The following CADPS variants were observed in gnomAD, a reference collection of about 807,000 sequenced individuals.
The protein encoded by CADPS is calcium dependent secretion activator.
In CADPS, 57 loss-of-function variants were observed where a neutral mutation model predicts 167.3. The observed-to-expected ratio is 0.34, with a 90% CI of 0.28 to 0.42. CADPS has a LOEUF of 0.42. CADPS is among the 20% of genes least tolerant of loss of function. The pLI is 1.00. For synonymous variants in CADPS, 676 were observed against 635.3 expected, an observed-to-expected ratio of 1.06 and a Z score of -0.96; for missense variants, 1,414 against 1,738.1, an observed-to-expected ratio of 0.81 and a Z score of 3.32.
At chr3:62,403,348 A>T in intron 28 of CADPS, 163 bp from the exon 29 acceptor site, 4 of 564,786 alleles carry the variant, frequency 7.1e-6, no homozygotes, top group Non-Finnish European at 1.3e-5. Flanking sequence ...GTTAGTTTAT[A>T]CAAAATTGCA....
chr3:62,523,799 T>G (rs2071345424), intron 13 of CADPS, among the ~76,000 whole-genome samples: 1 of 152,228 alleles, frequency 6.6e-6, no homozygotes, highest in South Asian at 2.1e-4. Context: ...GGAATATACT[T>G]TCATCTCCAA....
intron 17 of CADPS, among the ~76,000 whole-genome samples, chr3:62,509,298 AAAAAAAAAAGAAAG>A (rs1252495068): frequency 9.1e-6 from 1 of 109,672 alleles, no homozygotes; most frequent in African/African-American, 3.2e-5. Flanking sequence ...TCTCAAAAAA[AAAAAAAAAAGAAAG>A]AAAGAAAGAA....
At chr3:62,758,507 C>T (rs2084567348) in intron 2 of CADPS, among the ~76,000 whole-genome samples, 1 of 152,180 alleles carries the variant, frequency 6.6e-6, no homozygotes, top group African/African-American at 2.4e-5. Flanking sequence ...CTGGGCCAGC[C>T]TCACCCTATA....
At chr3:62,701,606 T>TAAAAAAAAAAA (rs5849494) in intron 3 of CADPS, among the ~76,000 whole-genome samples, 1 of 130,096 alleles carries the variant, frequency 7.7e-6, no homozygotes. Flanking sequence ...AGACTCAGTC[T>TAAAAAAAAAAA]AAAAAAAAAA....
chr3:62,850,969 G>C (rs1180460141), intron 1 of CADPS, among the ~76,000 whole-genome samples: 4 of 149,888 alleles, frequency 2.7e-5, no homozygotes, highest in Admixed American at 1.3e-4. Context: ...TGTATTGGGT[G>C]CATATATATT....
At chr3:62,505,171 A>G (rs1299130568) in intron 17 of CADPS, among the ~76,000 whole-genome samples, 4 of 152,206 alleles carry the variant, frequency 2.6e-5, no homozygotes, top group Non-Finnish European at 4.4e-5. Flanking sequence ...TGATGGCTAC[A>G]TAGGCCAAAA....
At chr3:62,638,138 G>T (rs980380223) in intron 6 of CADPS, among the ~76,000 whole-genome samples, 2 of 149,770 alleles carry the variant, frequency 1.3e-5, no homozygotes, top group Non-Finnish European at 3.0e-5. Flanking sequence ...TATGGAAATG[G>T]AGGCACAAAG....
chr3:62,662,256 T>A (rs1346414494), intron 4 of CADPS, 58 bp downstream of exon 4: 1 of 1,378,722 alleles, frequency 7.3e-7, no homozygotes, highest in Non-Finnish European at 1.0e-6. Flanking sequence ...ATAATCAATG[T>A]GCTTCCTGAG....
At chr3:62,586,252 C>A (rs2148635467) in intron 7 of CADPS, among the ~76,000 whole-genome samples, 1 of 152,280 alleles carries the variant, frequency 6.6e-6, no homozygotes, top group South Asian at 2.1e-4. Flanking sequence ...TGGTTTGTGG[C>A]ACATTGTTTT....
chr3:62,777,504 T>C (rs1006366556), intron 1 of CADPS, among the ~76,000 whole-genome samples: 1 of 152,050 alleles, frequency 6.6e-6, no homozygotes. Context: ...TTAGGAAATA[T>C]GAAAAACACA....
chr3:62,635,197 C>G (rs1264140774), intron 6 of CADPS, among the ~76,000 whole-genome samples: 4 of 152,144 alleles, frequency 2.6e-5, no homozygotes, highest in Non-Finnish European at 5.9e-5. Flanking sequence ...AGAAAATCAC[C>G]TAATTCTGCT....
chr3:62,850,659 TC>T (rs2153098192), intron 1 of CADPS, among the ~76,000 whole-genome samples: 1 of 151,662 alleles, frequency 6.6e-6, no homozygotes, highest in South Asian at 2.1e-4. Flanking sequence ...TAATTTCTGT[TC>T]TTTTACATTT....
chr3:62,795,888 G>A (rs764194694), intron 1 of CADPS, among the ~76,000 whole-genome samples: 1 of 152,176 alleles, frequency 6.6e-6, no homozygotes, highest in South Asian at 2.1e-4. Context: ...AGAAGACTGG[G>A]ACCATATTCC....
chr3:62,674,671 A>G, intron 3 of CADPS, among the ~76,000 whole-genome samples: 1 of 152,216 alleles, frequency 6.6e-6, no homozygotes, highest in Non-Finnish European at 1.5e-5. Flanking sequence ...GAACGAACTA[A>G]AAAACCCAAA....
intron 3 of CADPS, among the ~76,000 whole-genome samples, chr3:62,747,497 A>C (rs2081736935): frequency 1.3e-5 from 2 of 152,234 alleles, no homozygotes; most frequent in African/African-American, 4.8e-5. Flanking sequence ...CTAATAAACT[A>C]TCTGAAAAGC....
At chr3:62,655,144 T>C (rs995491671) in intron 4 of CADPS, among the ~76,000 whole-genome samples, 1 of 152,116 alleles carries the variant, frequency 6.6e-6, no homozygotes, top group Non-Finnish European at 1.5e-5. Flanking sequence ...AAAACTGAAG[T>C]CTGCAAGGAA....
intron 1 of CADPS, among the ~76,000 whole-genome samples, chr3:62,816,567 G>A (rs2094623753): frequency 6.6e-6 from 1 of 151,786 alleles, no homozygotes. Flanking sequence ...ATTTCCCCTT[G>A]ATGGTAACTT....
At chr3:62,442,589 A>T (rs917424346) in intron 27 of CADPS, among the ~76,000 whole-genome samples, 62 of 152,288 alleles carry the variant, frequency 4.1e-4, no homozygotes, top group African/African-American at 1.5e-3. Flanking sequence ...ACCAATTTGC[A>T]TGGTGTAAAT....
intron 6 of CADPS, among the ~76,000 whole-genome samples, chr3:62,604,115 C>G (rs1316655026): frequency 6.6e-6 from 1 of 152,112 alleles, no homozygotes; most frequent in Admixed American, 6.6e-5. Flanking sequence ...CAGGTGTGAG[C>G]CACCTCACCC....
Sources: gnomAD v4.1 joint callset for allele counts (sites outside exome capture counted in the v4.1 genomes callset) on GRCh38, gnomAD v4.1.1 for gene constraint, MANE v1.5 for transcripts, NCBI Gene and HGNC (gene_info 2026-07-23, HGNC 2026-07-21) for gene names.